MOB3A: variants seen among roughly 807,000 people sequenced by gnomAD.
MOB3A encodes MOB kinase activator 3A, also known as MOB LAK.
A neutral mutation model predicts 17.8 loss-of-function variants in MOB3A; 17 were observed. The observed-to-expected ratio is 0.95, with a 90% CI of 0.65 to 1.43. The LOEUF (loss-of-function observed/expected upper bound fraction) is 1.43, where lower values mean the gene tolerates loss of function less well. Among genes scored for constraint, MOB3A ranks in the 40% most tolerant of loss-of-function variants. The probability of loss-of-function intolerance (pLI) is 0.00; values close to 1 mark genes in which losing one functional copy is unlikely to be tolerated. For missense variants in MOB3A, 333 were observed against 310.8 expected, an observed-to-expected ratio of 1.07 and a Z score of -0.54; for synonymous variants, 124 against 133.2, an observed-to-expected ratio of 0.93 and a Z score of 0.48.
At chr19:2,095,988 C>G (rs1416361317) in intron 1 of MOB3A, among the ~76,000 whole-genome samples, 1 of 152,160 alleles carries the variant, frequency 6.6e-6, no homozygotes, top group Non-Finnish European at 1.5e-5. Flanking sequence ...AGGTGATCCA[C>G]CCGCGTCGGC....
intron 2 of MOB3A, among the ~76,000 whole-genome samples, chr19:2,080,597 G>A (rs1012959735): frequency 2.6e-5 from 4 of 152,046 alleles, no homozygotes; most frequent in African/African-American, 9.7e-5. Flanking sequence ...GGCTGGTCTC[G>A]AATTCCTGAC....
intron 1 of MOB3A, 67 bp downstream of exon 1, chr19:2,096,159 G>A (rs572192854): frequency 6.5e-6 from 1 of 153,252 alleles, no homozygotes; most frequent in Non-Finnish European, 1.5e-5. Context: ...CGCCGCCTAA[G>A]TTCACCCCTC....
intron 1 of MOB3A, among the ~76,000 whole-genome samples, chr19:2,087,302 G>A (rs753253574): frequency 5.3e-5 from 8 of 152,208 alleles, no homozygotes; most frequent in Non-Finnish European, 7.3e-5. Context: ...CTCCTGGCAC[G>A]TTTGGCGTTG....
In MOB3A at chr19:2,077,021, G is replaced by T. The variant is rs748547038; in HGVS notation, c.422-8C>A. On this transcript the variant is annotated splice_region_variant and splice_polypyrimidine_tract_variant and intron_variant, in intron 3 of 4. Coordinates refer to ENST00000357066, the MANE Select transcript of MOB3A (RefSeq NM_130807.3). ...TCTTGGGAAACGGAGTGCCTGCAGG[G>T]AGAGGGGTGGGACGGGTCCACGGAC... The T allele has an allele frequency of 1.2e-5, 20 of 1,611,340 alleles. No homozygotes were observed. Among genetic ancestry groups the T allele is most frequent in the Non-Finnish European group, 1.7e-5 (20 of 1,179,118 alleles).
chr19:2,078,803 G>A (rs777756017), intron 2 of MOB3A, 124 bp from the exon 3 acceptor site: 6 of 470,166 alleles, frequency 1.3e-5, no homozygotes, highest in Admixed American at 3.9e-5. Context: ...CTGTTGCCCC[G>A]GCTGGAGTAC....
Position 2,076,900 on chromosome 19 carries a change from A to C in MOB3A, c.535T>G (p.Ser179Ala), listed in dbSNP as rs761111804. The C allele has an allele frequency of 5.0e-6, 8 of 1,613,972 alleles. No individual in the cohort carries two copies. In the African/African-American group the frequency reaches 1.1e-4, roughly 22 times the overall value. ...TAGCAGGTGTTCACGTGGGCCTCGGAGCCCATCTGCGCGATGCGGTCAAAG... is the reference window on the plus strand; with the variant it reads ...TAGCAGGTGTTCACGTGGGCCTCGGCGCCCATCTGCGCGATGCGGTCAAAG... ...HHFDRIAQMG[S>A]EAHVNTCYKH... The change falls in exon 4 of 5, where the codon TCC becomes GCC. Residue 179 changes from serine (S) to alanine (A), a missense_variant. Coordinates refer to ENST00000357066, the MANE Select transcript of MOB3A (RefSeq NM_130807.3).
Position 2,093,757 on chromosome 19 carries a change from T to C in MOB3A, c.-274+2469A>G, listed in dbSNP as rs2017638230. 6.6e-6 allele frequency among the ~76,000 whole-genome samples: 1 copy of C among 152,076 alleles called. No individual in the cohort carries two copies. The highest frequency in any genetic ancestry group is 2.4e-5 in the African/African-American group (1 of 41,392). ...ATCAACCTGTGGAAAGAGAGGGAGC[T>C]GGGAAGGGTGCAGTGGAACGGGTGT... On this transcript the variant is annotated intron_variant, in intron 1 of 4. Coordinates refer to ENST00000357066, the MANE Select transcript of MOB3A (RefSeq NM_130807.3). This position sits in a 1 kb window ranked among gnomAD's most constrained non-coding sequence, Gnocchi z 4.6.
intron 1 of MOB3A, among the ~76,000 whole-genome samples, chr19:2,087,068 G>C (rs2017562322): frequency 6.6e-6 from 1 of 152,194 alleles, no homozygotes; most frequent in Admixed American, 6.5e-5. Flanking sequence ...AGGGATTACA[G>C]GTGTGAGCCA....
chr19:2,086,961 T>G (rs1311297061), intron 1 of MOB3A, among the ~76,000 whole-genome samples: 1 of 152,012 alleles, frequency 6.6e-6, no homozygotes, highest in Admixed American at 6.6e-5. Context: ...CTGTATAATT[T>G]TTGTATTTTT....
rs1001023040 is a variant in MOB3A at position 2,078,304 on chromosome 19, T to G, written c.257A>C (p.Gln86Pro). 2.6e-5 allele frequency: 42 copies of G among 1,614,060 alleles called. No individual in the cohort carries two copies. Among genetic ancestry groups the G allele is most frequent in the Non-Finnish European group, 3.3e-5 (39 of 1,180,022 alleles). The change falls in exon 3 of 5, where the codon CAG becomes CCG. Residue 86 changes from glutamine to proline, a missense_variant. By Grantham distance (76) the Gln-to-Pro change is moderately conservative. Transcript: ENST00000357066. ...GCCCCCCGACATGACGGGGCAGGACTGCTCCGTGCAGCCGTCGCTGATGGT... is the reference window on the plus strand; with the variant it reads ...GCCCCCCGACATGACGGGGCAGGACGGCTCCGTGCAGCCGTCGCTGATGGT... The part of the protein sequence containing the change: ...YGTISDGCTE[Q>P]SCPVMSGGPK...
chr19:2,073,549 C>G lies in MOB3A; in HGVS notation c.625-125G>C, dbSNP rs190504898. The G allele has an allele frequency of 1.4e-4, 171 of 1,256,426 alleles. No homozygotes were observed. In the African/African-American group the frequency reaches 2.2e-3, roughly 16 times the overall value. 77.8% of individuals were successfully genotyped at this position (1,256,426 alleles called of 1,614,324 possible). On this transcript the variant is annotated intron_variant, in intron 4 of 4. Coordinates refer to ENST00000357066, the MANE Select transcript of MOB3A (RefSeq NM_130807.3). ...CTGGGGGCTTCCCTGAACACCCAAA[C>G]AACAAAAACCACACAGGCAATGGCA...
At position 2,074,557 on chromosome 19, in the gene MOB3A, CTT is replaced by C. The variant is rs879435121; in HGVS notation, c.625-1135_625-1134del. Reference sequence around the variant, plus strand: ...GAAGTTATGTGAAGATGTTTTTAGTCTTTTTTTTTTTTTGAGACGGAGTTTCA... The same window carrying C: ...GAAGTTATGTGAAGATGTTTTTAGTCTTTTTTTTTTTGAGACGGAGTTTCA... On this transcript the variant is annotated intron_variant, in intron 4 of 4. Transcript: ENST00000357066. 7.6e-5 allele frequency among the ~76,000 whole-genome samples: 11 copies of C among 144,494 alleles called. No homozygotes were observed. In the South Asian group the frequency reaches 1.3e-3, roughly 17 times the overall value. The allele number at this position is 144,494 out of a possible 152,430, so 94.8% of individuals were successfully genotyped here.
rs2017413303 is a variant in MOB3A, at chr19:2,076,678, G to T, written c.624+133C>A. On this transcript the variant is annotated intron_variant, in intron 4 of 4. Transcript: ENST00000357066. ...TTGTCCCATCAGCAGGGTCCCCGGG[G>T]CCCAACTCCAGCCGGGGCCGCCAGC... 5.9e-6 allele frequency: 5 copies of T among 842,082 alleles called. No homozygotes were observed. The East Asian group carries it at 1.3e-4, about 23-fold the overall frequency. 52.2% of individuals were successfully genotyped at this position (842,082 alleles called of 1,614,324 possible).
chr19:2,090,586 C>T (rs1048193568), intron 1 of MOB3A, among the ~76,000 whole-genome samples: 8 of 152,142 alleles, frequency 5.3e-5, no homozygotes, highest in African/African-American at 1.9e-4. Flanking sequence ...CAGCCCCACA[C>T]AGGAAGTAAC....
At chr19:2,083,681 C>G (rs2017517900) in intron 2 of MOB3A, among the ~76,000 whole-genome samples, 1 of 152,232 alleles carries the variant, frequency 6.6e-6, no homozygotes. Context: ...GACTCACAGC[C>G]AACTTTCCAA....
Position 2,076,805 on chromosome 19 carries a change from G to C in MOB3A, c.624+6C>G. The stretch of plus-strand genomic sequence containing the variant: ...ACCGCACGCCCTCAGCCCCAAGCCC[G>C]CGCACCAGTGGCTCCAGCTCCTTGG... On this transcript the variant is annotated splice_donor_region_variant and intron_variant, in intron 4 of 4. Transcript: ENST00000357066. 6.2e-7 allele frequency: 1 copy of C among 1,613,080 alleles called. No individual in the cohort carries two copies. Among genetic ancestry groups the C allele is most frequent in the South Asian group, 1.1e-5 (1 of 91,040 alleles).
In MOB3A at chr19:2,085,304, A is replaced by G. The variant is rs981589931; in HGVS notation, c.-249T>C. 1 of 151,876 alleles carries G rather than the reference A, an allele frequency of 6.6e-6. No individual in the cohort carries two copies. The highest frequency in any genetic ancestry group is 2.4e-5 in the African/African-American group (1 of 41,302). 9.4% of individuals were successfully genotyped at this position (151,876 alleles called of 1,614,324 possible). ...GGCTCCCCCGGTCTTCCCACGGACG[A>G]GACACAAGTGACCCTTGGAAACTTC... On this transcript the variant is annotated 5_prime_UTR_variant, in exon 2 of 5. Coordinates refer to ENST00000357066, the MANE Select transcript of MOB3A (RefSeq NM_130807.3).
At chr19:2,085,562 G>A (rs1156492898) in intron 1 of MOB3A, 1 of 152,138 alleles carries the variant, frequency 6.6e-6, no homozygotes, top group African/African-American at 2.4e-5. Flanking sequence ...CAAGCCCTGA[G>A]TGGAGAAGTC....
At chr19:2,088,975 T>C (rs776451443) in intron 1 of MOB3A, among the ~76,000 whole-genome samples, 1 of 152,184 alleles carries the variant, frequency 6.6e-6, no homozygotes, top group Non-Finnish European at 1.5e-5. Flanking sequence ...GTGACTGTAG[T>C]TGTCAGAGGC....
Sources: gnomAD v4.1 joint callset for allele counts (sites outside exome capture counted in the v4.1 genomes callset) on GRCh38, gnomAD v4.1.1 for gene constraint, Gnocchi (gnomAD v3.1) non-coding constraint, MANE v1.5 for transcripts, NCBI Gene and HGNC (gene_info 2026-07-23, HGNC 2026-07-21) for gene names.